KIAA1217: variants seen among roughly 807,000 people sequenced by gnomAD.
KIAA1217 encodes sickle tail protein homolog.
In KIAA1217, 88 loss-of-function variants were observed where a neutral mutation model predicts 163.9. The observed-to-expected ratio is 0.54, with a 90% confidence interval of 0.45 to 0.64. The LOEUF (loss-of-function observed/expected upper bound fraction) is 0.64. Among genes scored for constraint, KIAA1217 ranks in the 30% least tolerant of loss-of-function variants. KIAA1217 has a pLI of 0.00. For missense variants in KIAA1217, 2,372 were observed against 2,475.0 expected (o/e 0.96, Z 0.88); for synonymous variants, 903 against 923.1 (o/e 0.98, Z 0.39).
At chr10:24,133,945 T>C (rs1466255951) in intron 2 of KIAA1217, among the ~76,000 whole-genome samples, 1 of 152,222 alleles carries the variant, frequency 6.6e-6, no homozygotes, top group African/African-American at 2.4e-5. Flanking sequence ...ACCAACCCCT[T>C]GGATCAGGCT....
chr10:24,059,713 G>A (rs898485548), intron 2 of KIAA1217, among the ~76,000 whole-genome samples: 1 of 151,890 alleles, frequency 6.6e-6, no homozygotes, highest in Admixed American at 6.6e-5. Flanking sequence ...AAGTAACTGG[G>A]ACTACAGGCA....
chr10:24,449,658 C>T, intron 5 of KIAA1217: 2 of 985,386 alleles, frequency 2.0e-6, no homozygotes, highest in Non-Finnish European at 2.4e-6. Flanking sequence ...CATTTAGTCA[C>T]CATGAAGACA....
intron 1 of KIAA1217, among the ~76,000 whole-genome samples, chr10:23,861,359 A>G (rs1037006310): frequency 6.6e-6 from 1 of 152,206 alleles, no homozygotes; most frequent in African/African-American, 2.4e-5. Flanking sequence ...ACTTTATAGT[A>G]GTGGTTTTCT....
chr10:24,284,928 A>G (rs545862694), intron 2 of KIAA1217, among the ~76,000 whole-genome samples: 4 of 152,286 alleles, frequency 2.6e-5, no homozygotes, highest in Non-Finnish European at 4.4e-5. Context: ...AGTAATAACC[A>G]TTCTGACTGG....
chr10:24,238,890 G>C (rs981297796), intron 2 of KIAA1217, among the ~76,000 whole-genome samples: 4 of 152,138 alleles, frequency 2.6e-5, no homozygotes, highest in Admixed American at 1.3e-4. Context: ...AACAGCTCAG[G>C]CTTTGAAAAT....
intron 1 of KIAA1217, among the ~76,000 whole-genome samples, chr10:23,766,614 C>T (rs1588754709): frequency 7.4e-6 from 1 of 135,184 alleles, no homozygotes; most frequent in Non-Finnish European, 1.5e-5. Flanking sequence ...TTTGAGACAG[C>T]GTCTCACTCT....
chr10:23,866,816 C>G (rs1223999563), intron 1 of KIAA1217, among the ~76,000 whole-genome samples: 5 of 152,008 alleles, frequency 3.3e-5, no homozygotes, highest in African/African-American at 4.8e-5. Flanking sequence ...TTGGTGCGAT[C>G]TCAGGACAAT....
chr10:24,268,016 C>T (rs1230343085), intron 2 of KIAA1217, among the ~76,000 whole-genome samples: 3 of 152,128 alleles, frequency 2.0e-5, no homozygotes, highest in Admixed American at 2.0e-4. Context: ...ACTTTGTTTC[C>T]CTGCGCTGCA....
At chr10:24,463,507 A>T (rs1228337504) in intron 5 of KIAA1217, among the ~76,000 whole-genome samples, 1 of 152,206 alleles carries the variant, frequency 6.6e-6, no homozygotes, top group Non-Finnish European at 1.5e-5. Flanking sequence ...GCTAACTAAA[A>T]CCTTACAAAT....
chr10:24,003,177 T>C (rs1360989083), intron 1 of KIAA1217, among the ~76,000 whole-genome samples: 1 of 152,196 alleles, frequency 6.6e-6, no homozygotes, highest in Non-Finnish European at 1.5e-5. Flanking sequence ...TACCTAGTAG[T>C]AGGATTGCTG....
chr10:24,140,035 G>A lies in KIAA1217; in HGVS notation c.-170-79591G>A, dbSNP rs141813133. On this transcript the variant is annotated intron_variant, in intron 2 of 18. Coordinates refer to the KIAA1217 transcript ENST00000376462. ...TTTTTTTTCCCCCTTATCAAATTGA[G>A]AACTTTCGCCTTTTCACCTAAAGAA... Among the ~76,000 whole-genome samples, 438 of 150,994 alleles carry A rather than the reference G, an allele frequency of 2.9e-3. 1 individual carries two copies. The highest frequency in any genetic ancestry group is 4.6e-3 in the Non-Finnish European group (313 of 67,848).
intron 1 of KIAA1217, among the ~76,000 whole-genome samples, chr10:23,929,678 G>A (rs111828048): frequency 6.6e-6 from 1 of 152,202 alleles, no homozygotes; most frequent in Non-Finnish European, 1.5e-5. Flanking sequence ...GTATCCATGA[G>A]GTATATTTTC....
At chr10:23,868,720 G>A (rs1489718438) in intron 1 of KIAA1217, among the ~76,000 whole-genome samples, 3 of 152,120 alleles carry the variant, frequency 2.0e-5, no homozygotes, top group Non-Finnish European at 4.4e-5. Context: ...CTTCTTGTTA[G>A]TAGAGCCTCC....
chr10:24,191,133 C>T (rs2066698107), intron 2 of KIAA1217, among the ~76,000 whole-genome samples: 1 of 152,070 alleles, frequency 6.6e-6, no homozygotes, highest in African/African-American at 2.4e-5. Flanking sequence ...TGAACTGAGA[C>T]TGTGGCGCTG....
intron 1 of KIAA1217, among the ~76,000 whole-genome samples, chr10:23,796,672 G>T (rs1434780574): frequency 6.6e-6 from 1 of 151,948 alleles, no homozygotes; most frequent in East Asian, 1.9e-4. Context: ...TGCTTTGTTT[G>T]TCTCTTATGT....
In KIAA1217 at chr10:24,380,838, T is replaced by G. The variant is rs2134809518; in HGVS notation, c.355-31T>G. ...TTCCACACGATTAATAATAGTCTAT[T>G]TTCCCACTTTCTTTAAAATGCCTTT... is the stretch of plus-strand genomic sequence containing the variant. On this transcript the variant is annotated intron_variant, in intron 2 of 20. Transcript: ENST00000376454. 2.7e-6 allele frequency: 4 copies of G among 1,457,148 alleles called. No individual in the cohort carries two copies. In the East Asian group the frequency reaches 9.5e-5, roughly 35 times the overall value. 90.3% of individuals were successfully genotyped at this position (1,457,148 alleles called of 1,614,324 possible). A position where few individuals can be genotyped will look rare whatever the true frequency, so the allele number is the denominator to read the frequency against.
intron 2 of KIAA1217, among the ~76,000 whole-genome samples, chr10:24,116,845 CTG>C (rs2063073425): frequency 6.6e-6 from 1 of 152,150 alleles, no homozygotes; most frequent in Admixed American, 6.5e-5. Context: ...GAAAGAAAGA[CTG>C]TGTGGTACTT....
At chr10:24,215,951 A>G (rs1277218825) in intron 1 of KIAA1217, among the ~76,000 whole-genome samples, 1 of 152,230 alleles carries the variant, frequency 6.6e-6, no homozygotes, top group East Asian at 1.9e-4. Context: ...AAGTGGCTGC[A>G]TTGAGCCTTC....
At chr10:24,486,072 C>G (rs1441900072) in intron 6 of KIAA1217, among the ~76,000 whole-genome samples, 1 of 152,222 alleles carries the variant, frequency 6.6e-6, no homozygotes, top group African/African-American at 2.4e-5. Flanking sequence ...TCAGAGGTTT[C>G]CTGGCTCCAG....
Sources: allele counts gnomAD v4.1 joint callset (sites outside exome capture counted in the v4.1 genomes callset), GRCh38; gene constraint gnomAD v4.1.1; transcripts MANE v1.5; gene names NCBI Gene and HGNC (gene_info 2026-07-23, HGNC 2026-07-21).